Variants in C12orf42 observed in about 807,000 individuals in gnomAD.
C12orf42 encodes uncharacterized protein C12orf42.
A neutral mutation model predicts 21.6 loss-of-function variants in C12orf42; 25 were observed. The ratio of observed to expected loss-of-function variants is 1.16; its 90% CI spans 0.84 to 1.62. The LOEUF (loss-of-function observed/expected upper bound fraction) is 1.62, where lower values mean the gene tolerates loss of function less well. Among genes scored for constraint, C12orf42 ranks in the 40% most tolerant of loss-of-function variants. The pLI, the probability that C12orf42 is intolerant of heterozygous loss-of-function variation, is 0.00. For missense variants in C12orf42, 483 were observed against 459.3 expected, an observed-to-expected ratio of 1.05 and a Z score of -0.47; for synonymous variants, 174 against 175.0, an observed-to-expected ratio of 0.99 and a Z score of 0.05.
the C12orf42 span, among the ~76,000 whole-genome samples, chr12:103,079,223 A>G: frequency 1.1e-4 from 17 of 152,180 alleles, no homozygotes; most frequent in Admixed American, 5.9e-4. Flanking sequence ...GTAATACCAA[A>G]TGGACAAAAC....
the C12orf42 span, among the ~76,000 whole-genome samples, chr12:103,125,019 T>C: frequency 2.6e-5 from 4 of 152,182 alleles, no homozygotes; most frequent in African/African-American, 4.8e-5. Flanking sequence ...TGAGAGTCAG[T>C]ATGTGTTGGT....
chr12:103,342,524 C>G (rs1162900436), intron 4 of C12orf42, among the ~76,000 whole-genome samples: 2 of 151,914 alleles, frequency 1.3e-5, no homozygotes, highest in East Asian at 1.9e-4. Context: ...TATTATTACC[C>G]CATAGTAGAC....
chr12:103,238,659 C>A (rs7971476), intron 10 of C12orf42, among the ~76,000 whole-genome samples: 54,389 of 152,054 alleles, frequency 0.36, 10,170 homozygotes, highest in East Asian at 0.49. Context: ...TCCAGGAGCT[C>A]TGTCCATCCT....
At chr12:103,165,808 G>A in the C12orf42 span, among the ~76,000 whole-genome samples, 12 of 143,962 alleles carry the variant, frequency 8.3e-5, no homozygotes, top group Admixed American at 2.7e-4. Context: ...TTGGGAGGCC[G>A]AGGGGGTAGA....
chr12:103,306,703 T>C (rs563282978), intron 4 of C12orf42, among the ~76,000 whole-genome samples: 1 of 152,264 alleles, frequency 6.6e-6, no homozygotes, highest in East Asian at 1.9e-4. Context: ...TTGAATTGTG[T>C]TCACCCCCTC....
chr12:103,284,673 C>T (rs1190004801), intron 4 of C12orf42, among the ~76,000 whole-genome samples: 2 of 152,134 alleles, frequency 1.3e-5, no homozygotes, highest in Non-Finnish European at 2.9e-5. Context: ...GCCTTTGTTA[C>T]ATATTTGTTG....
intron 4 of C12orf42, among the ~76,000 whole-genome samples, chr12:103,325,328 C>T (rs1003385706): frequency 1.3e-5 from 2 of 152,182 alleles, no homozygotes; most frequent in African/African-American, 2.4e-5. Flanking sequence ...AGACCTTAGG[C>T]TCTGCGGCCC....
the C12orf42 span, chr12:103,164,736 T>C: frequency 1.3e-5 from 6 of 455,448 alleles, no homozygotes; most frequent in Non-Finnish European, 2.2e-5. Flanking sequence ...TACTCCTTTA[T>C]TTATTCCATG....
intron 2 of C12orf42, among the ~76,000 whole-genome samples, chr12:103,419,547 C>T (rs951061956): frequency 4.6e-5 from 7 of 152,078 alleles, no homozygotes; most frequent in Non-Finnish European, 1.0e-4. Flanking sequence ...CCATGGATCA[C>T]GGTGGTGATG....
At chr12:103,494,222 T>C (rs139662654) in intron 1 of C12orf42, among the ~76,000 whole-genome samples, 83 of 152,378 alleles carry the variant, frequency 5.4e-4, no homozygotes, top group Non-Finnish European at 8.7e-4. Flanking sequence ...CACAGGTGTT[T>C]GTGGGCATAA....
the C12orf42 span, among the ~76,000 whole-genome samples, chr12:103,099,379 TTG>T: frequency 1.3e-5 from 2 of 152,230 alleles, no homozygotes; most frequent in Admixed American, 6.5e-5. Flanking sequence ...TAGCAGCTCT[TTG>T]TCTAGCAAGG....
intron 2 of C12orf42, among the ~76,000 whole-genome samples, chr12:103,404,162 C>A (rs1476554282): frequency 6.6e-6 from 1 of 151,984 alleles, no homozygotes; most frequent in Non-Finnish European, 1.5e-5. Context: ...AATTTATGTA[C>A]AAATAGCTGC....
the C12orf42 span, among the ~76,000 whole-genome samples, chr12:103,208,383 G>T: frequency 6.6e-6 from 1 of 152,110 alleles, no homozygotes; most frequent in Non-Finnish European, 1.5e-5. Flanking sequence ...AAAGACACAG[G>T]TTGCTTTCTT....
the C12orf42 span, among the ~76,000 whole-genome samples, chr12:103,201,180 A>G: frequency 2.0e-5 from 3 of 152,332 alleles, no homozygotes; most frequent in East Asian, 3.9e-4. Flanking sequence ...CTGCTGACCA[A>G]TGCTGGCTGC....
chr12:103,351,880 C>CTTAAAAGCCTCTTT (rs760050740), intron 4 of C12orf42, among the ~76,000 whole-genome samples: 31 of 152,084 alleles, frequency 2.0e-4, no homozygotes, highest in Non-Finnish European at 4.0e-4. Flanking sequence ...CAACAAATTC[C>CTTAAAAGCCTCTTT]TTAAAAGCCT....
intron 4 of C12orf42, among the ~76,000 whole-genome samples, chr12:103,337,410 G>C (rs2041790139): frequency 6.6e-6 from 1 of 152,146 alleles, no homozygotes; most frequent in Admixed American, 6.5e-5. Context: ...GAGTGCACTG[G>C]CGCAATCTTG....
chr12:103,555,075 G>A, the C12orf42 span, among the ~76,000 whole-genome samples: 39 of 152,278 alleles, frequency 2.6e-4, 1 homozygote, highest in African/African-American at 7.2e-4. Context: ...TCAGATTTGC[G>A]TGAGCATGAG....
chr12:103,276,604 C>A (rs2035785573), intron 5 of C12orf42, among the ~76,000 whole-genome samples: 1 of 152,130 alleles, frequency 6.6e-6, no homozygotes, highest in Non-Finnish European at 1.5e-5. Context: ...CCATCTGGAT[C>A]CCAAAGAAAG....
intron 5 of C12orf42, among the ~76,000 whole-genome samples, chr12:103,272,568 A>T (rs2035537123): frequency 6.6e-6 from 1 of 152,188 alleles, no homozygotes; most frequent in Admixed American, 6.5e-5. Context: ...TTCAAGAAAG[A>T]ACACCCTTAT....
Sources: gnomAD v4.1 joint callset for allele counts (sites outside exome capture counted in the v4.1 genomes callset) on GRCh38, gnomAD v4.1.1 for gene constraint, MANE v1.5 for transcripts, NCBI Gene and HGNC (gene_info 2026-07-23, HGNC 2026-07-21) for gene names.